Variants in DAPK2 observed in about 807,000 individuals in gnomAD.
The protein encoded by DAPK2 is death associated protein kinase 2, also known as death-associated protein kinase 2.
A neutral mutation model predicts 44.1 loss-of-function variants in DAPK2; 35 were observed. That is an observed-to-expected ratio of 0.79 (90% CI 0.61 to 1.05). The LOEUF (loss-of-function observed/expected upper bound fraction) is 1.05. DAPK2 is among the 50% of genes least tolerant of loss of function. The pLI, the probability that DAPK2 is intolerant of heterozygous loss-of-function variation, is 0.00. For synonymous variants in DAPK2, 174 were observed against 182.6 expected, an observed-to-expected ratio of 0.95 and a Z score of 0.38; for missense variants, 453 against 483.2, an observed-to-expected ratio of 0.94 and a Z score of 0.59.
intron 1 of DAPK2, among the ~76,000 whole-genome samples, chr15:64,012,183 A>G (rs148331366): frequency 0.029 from 4,491 of 152,306 alleles, 92 homozygotes; most frequent in South Asian, 0.065. Flanking sequence ...CTGAAGCCTC[A>G]ATACATGACC....
intron 1 of DAPK2, among the ~76,000 whole-genome samples, chr15:64,039,257 G>A (rs930578166): frequency 6.6e-6 from 1 of 152,194 alleles, no homozygotes; most frequent in African/African-American, 2.4e-5. Context: ...TTCATGCTGC[G>A]CTGTGTGTGA....
intron 1 of DAPK2, among the ~76,000 whole-genome samples, chr15:63,989,375 A>G (rs2078755320): frequency 6.6e-6 from 1 of 152,114 alleles, no homozygotes; most frequent in Non-Finnish European, 1.5e-5. Context: ...CGTCTCTAAA[A>G]AAAAGCCAAT....
At chr15:64,009,864 AAGACTTCG>A (rs2079340961) in intron 1 of DAPK2, among the ~76,000 whole-genome samples, 1 of 152,166 alleles carries the variant, frequency 6.6e-6, no homozygotes, top group African/African-American at 2.4e-5. Flanking sequence ...ACAGCAGCTC[AAGACTTCG>A]AGGTGGTTAG....
intron 1 of DAPK2, among the ~76,000 whole-genome samples, chr15:64,000,186 TAC>T (rs3056828): frequency 0.083 from 12,200 of 147,574 alleles, 630 homozygotes; most frequent in African/African-American, 0.16. Context: ...CTACTACTAC[TAC>T]ACACACACAC....
chr15:63,983,210 C>T (rs62021495), intron 2 of DAPK2, among the ~76,000 whole-genome samples: 51,535 of 151,998 alleles, frequency 0.34, 10,229 homozygotes, highest in Non-Finnish European at 0.45. Context: ...CCACATGCTT[C>T]TCCAGCCAGG....
At chr15:63,998,275 A>C (rs2079000107) in intron 1 of DAPK2, among the ~76,000 whole-genome samples, 1 of 152,180 alleles carries the variant, frequency 6.6e-6, no homozygotes, top group South Asian at 2.1e-4. Context: ...TCAGGGAAAC[A>C]GGCCCACAGA....
intron 1 of DAPK2, among the ~76,000 whole-genome samples, chr15:64,008,922 C>T (rs2079311211): frequency 6.6e-6 from 1 of 152,126 alleles, no homozygotes; most frequent in African/African-American, 2.4e-5. Context: ...TTACAGATGA[C>T]AGGGGAGGAA....
chr15:64,031,708 T>A (rs528475454), intron 1 of DAPK2, among the ~76,000 whole-genome samples: 3 of 152,380 alleles, frequency 2.0e-5, no homozygotes, highest in South Asian at 2.1e-4. Context: ...ATTTTCTGTG[T>A]CACACAGAGT....
intron 1 of DAPK2, among the ~76,000 whole-genome samples, chr15:64,036,325 A>ATATATATATATG (rs1567290140): frequency 1.5e-4 from 16 of 106,422 alleles, no homozygotes; most frequent in South Asian, 8.1e-4. Flanking sequence ...ATATGTATAT[A>ATATATATATATG]TATATATATA....
intron 3 of DAPK2, among the ~76,000 whole-genome samples, chr15:63,947,745 C>T (rs2077486212): frequency 6.6e-6 from 1 of 152,164 alleles, no homozygotes. Context: ...TCTCTCCTTC[C>T]CAGAATGAGA....
chr15:63,991,415 C>CCCT, intron 1 of DAPK2: 1 of 443,320 alleles, frequency 2.3e-6, no homozygotes, highest in South Asian at 1.6e-5. Flanking sequence ...TGACCCAGGC[C>CCCT]CCTCGTTTCA....
At chr15:63,988,507 CTTTT>C (rs758617949) in intron 1 of DAPK2, among the ~76,000 whole-genome samples, 12 of 141,990 alleles carry the variant, frequency 8.5e-5, no homozygotes, top group African/African-American at 2.8e-4. Flanking sequence ...CCAGCTTTTC[CTTTT>C]TTTTTTTTTT....
At chr15:63,996,348 T>C (rs1456613674) in intron 1 of DAPK2, among the ~76,000 whole-genome samples, 1 of 152,110 alleles carries the variant, frequency 6.6e-6, no homozygotes, top group Non-Finnish European at 1.5e-5. Context: ...CAGGCTGAGG[T>C]GGGAGGATCA....
chr15:63,922,766 G>T, intron 8 of DAPK2: 1 of 1,532,378 alleles, frequency 6.5e-7, no homozygotes, highest in Non-Finnish European at 8.7e-7. Flanking sequence ...AAATTCCTCA[G>T]TGCATGATCT....
intron 1 of DAPK2, among the ~76,000 whole-genome samples, chr15:64,034,994 C>T (rs2080137534): frequency 6.6e-6 from 1 of 152,046 alleles, no homozygotes; most frequent in African/African-American, 2.4e-5. Context: ...ATGGTGAAAC[C>T]CCATCTCTAC....
chr15:63,993,681 G>A (rs779521593), intron 1 of DAPK2, among the ~76,000 whole-genome samples: 2 of 151,974 alleles, frequency 1.3e-5, no homozygotes, highest in Admixed American at 6.6e-5. Context: ...TACATATCAC[G>A]GGCAAAGTAC....
In DAPK2 at chr15:64,020,633, A is replaced by G. The variant is rs1042544956; in HGVS notation, c.92+19537T>C. On this transcript the variant is annotated intron_variant, in intron 1 of 10. Transcript: ENST00000261891. This position sits in a 1 kb window ranked among gnomAD's most constrained non-coding sequence, Gnocchi z 4.5. ...AAGAGACACACCCATTTGATAGCGA[A>G]AAGAAATCTAGGCTTAAAGAAAAAT... Among the ~76,000 whole-genome samples, 1 of 152,258 alleles carries G rather than the reference A, an allele frequency of 6.6e-6. No homozygotes were observed. Among genetic ancestry groups the G allele is most frequent in the African/African-American group, 2.4e-5 (1 of 41,466 alleles).
intron 8 of DAPK2, chr15:63,919,609 C>CT: frequency 6.6e-6 from 1 of 152,332 alleles, no homozygotes; most frequent in East Asian, 1.9e-4. Flanking sequence ...CCCGAGTGTC[C>CT]TGAGTAGCTG....
At chr15:63,955,425 A>G (rs1456329622) in intron 3 of DAPK2, among the ~76,000 whole-genome samples, 3 of 152,186 alleles carry the variant, frequency 2.0e-5, no homozygotes, top group African/African-American at 7.2e-5. Flanking sequence ...ATGTTCATCA[A>G]GGATATGGTC....
Sources: gnomAD v4.1 joint callset for allele counts (sites outside exome capture counted in the v4.1 genomes callset) on GRCh38, gnomAD v4.1.1 for gene constraint, Gnocchi (gnomAD v3.1) non-coding constraint, MANE v1.5 for transcripts, NCBI Gene and HGNC (gene_info 2026-07-23, HGNC 2026-07-21) for gene names.